The following WDFY3 variants were observed in gnomAD, a reference collection of about 807,000 sequenced individuals.
WDFY3 encodes WD repeat and FYVE domain-containing protein 3.
WDFY3 carries 66 observed loss-of-function variants against 409.6 expected under a neutral mutation model. The ratio of observed to expected loss-of-function variants is 0.16; its 90% CI spans 0.13 to 0.20. WDFY3 has a LOEUF of 0.20. Among genes scored for constraint, WDFY3 ranks in the 10% least tolerant of loss-of-function variants. The pLI is 1.00. For synonymous variants in WDFY3, 1,521 were observed against 1,537.1 expected, an observed-to-expected ratio of 0.99 and a Z score of 0.25; for missense variants, 3,031 against 4,298.1, an observed-to-expected ratio of 0.71 and a Z score of 8.24.
At chr4:84,947,729 A>C (rs949942132) in intron 1 of WDFY3, among the ~76,000 whole-genome samples, 2 of 148,834 alleles carry the variant, frequency 1.3e-5, no homozygotes, top group Admixed American at 1.3e-4. Context: ...AAAAAAAAAA[A>C]ACATTAGCCA....
chr4:84,794,661 T>G lies in WDFY3; in HGVS notation c.3345A>C (p.Pro1115=), dbSNP rs762189998. ...TAAGAAGTCTGACAGGGTGGTTATT[T>G]GGAGGAGAACTAAAATGTTCAATAC... ...WFCIEHFSSP[P]NNHPVRLLTV... The change falls in exon 21 of 68, where the codon CCA becomes CCC. Residue 1115 remains proline, a synonymous_variant. Coordinates refer to ENST00000295888, the MANE Select transcript of WDFY3 (RefSeq NM_014991.6). 11 of 1,614,014 alleles carry G rather than the reference T, an allele frequency of 6.8e-6. No homozygotes were observed. The highest frequency in any genetic ancestry group is 1.7e-5 in the Admixed American group (1 of 59,996).
chr4:84,774,370 C>T lies in WDFY3; in HGVS notation c.4754+450G>A, dbSNP rs189617751. Among the ~76,000 whole-genome samples the T allele has an allele frequency of 5.9e-4, 90 of 152,274 alleles. 1 individual carries two copies. The highest frequency in any genetic ancestry group is 1.9e-3 in the African/African-American group (78 of 41,554). On this transcript the variant is annotated intron_variant, in intron 29 of 67. Coordinates refer to ENST00000295888, the MANE Select transcript of WDFY3 (RefSeq NM_014991.6). ...TCTGCAAAATAATACTTATATCATACAAAAAGTGTGGATATGCAACAGATT... is the reference window on the plus strand; with the variant it reads ...TCTGCAAAATAATACTTATATCATATAAAAAGTGTGGATATGCAACAGATT...
At chr4:84,722,148 G>A (rs1368839944) in intron 46 of WDFY3, among the ~76,000 whole-genome samples, 1 of 152,148 alleles carries the variant, frequency 6.6e-6, no homozygotes, top group Admixed American at 6.5e-5. Flanking sequence ...AGCACTTTGG[G>A]AGGCCAAGGG....
intron 3 of WDFY3, among the ~76,000 whole-genome samples, chr4:84,888,310 C>T (rs933095952): frequency 3.3e-5 from 5 of 151,974 alleles, no homozygotes; most frequent in South Asian, 2.1e-4. Context: ...AAGGCCAAGG[C>T]GAGAGGACTG....
chr4:84,680,259 A>T (rs982938278), intron 64 of WDFY3, among the ~76,000 whole-genome samples: 2 of 151,994 alleles, frequency 1.3e-5, no homozygotes, highest in Non-Finnish European at 2.9e-5. Flanking sequence ...TGACTCAAAG[A>T]TTAGTGAATT....
At chr4:84,748,076 G>A (rs1578348315) in intron 36 of WDFY3, among the ~76,000 whole-genome samples, 1 of 152,038 alleles carries the variant, frequency 6.6e-6, no homozygotes, top group South Asian at 2.1e-4. Context: ...CTGTTCTCAT[G>A]CACTTTCTTC....
chr4:84,786,398 G>T (rs1207108666), intron 23 of WDFY3, among the ~76,000 whole-genome samples: 1 of 152,122 alleles, frequency 6.6e-6, no homozygotes, highest in Non-Finnish European at 1.5e-5. Flanking sequence ...CGTAAAGGAT[G>T]AAAAGTTTTA....
intron 5 of WDFY3, among the ~76,000 whole-genome samples, chr4:84,843,715 T>C (rs991221345): frequency 2.0e-5 from 3 of 152,232 alleles, no homozygotes; most frequent in African/African-American, 7.2e-5. Context: ...CCTCACGTTT[T>C]ATTTTAAATG....
intron 1 of WDFY3, among the ~76,000 whole-genome samples, chr4:84,942,720 A>G (rs1451561749): frequency 1.3e-5 from 2 of 152,188 alleles, no homozygotes; most frequent in African/African-American, 4.8e-5. Flanking sequence ...CCTCGGTAAA[A>G]TATCTGTTCA....
chr4:84,820,646 C>T (rs1002505539), intron 11 of WDFY3, among the ~76,000 whole-genome samples: 26 of 152,050 alleles, frequency 1.7e-4, no homozygotes, highest in Non-Finnish European at 2.9e-4. Context: ...AATGATAATA[C>T]ATTGTGTATA....
intron 13 of WDFY3, among the ~76,000 whole-genome samples, chr4:84,810,624 A>T: frequency 6.6e-6 from 1 of 152,252 alleles, no homozygotes; most frequent in South Asian, 2.1e-4. Flanking sequence ...TCTTTAACTG[A>T]TTATGACATC....
At chr4:84,925,589 T>TA (rs1769872137) in intron 2 of WDFY3, among the ~76,000 whole-genome samples, 1 of 152,200 alleles carries the variant, frequency 6.6e-6, no homozygotes, top group Non-Finnish European at 1.5e-5. Context: ...TATGTGGACC[T>TA]TAACTAGATT....
At chr4:84,948,238 T>C (rs1390731979) in intron 1 of WDFY3, among the ~76,000 whole-genome samples, 1 of 152,230 alleles carries the variant, frequency 6.6e-6, no homozygotes. Context: ...ATGCCTAACA[T>C]GCTTTTTCAT....
intron 51 of WDFY3, among the ~76,000 whole-genome samples, chr4:84,711,627 C>T (rs777300146): frequency 7.9e-5 from 12 of 152,086 alleles, no homozygotes; most frequent in East Asian, 5.8e-4. Flanking sequence ...CCGAGGAGGG[C>T]GGATCGCGAG....
At chr4:84,892,654 T>C (rs1045922502) in intron 3 of WDFY3, among the ~76,000 whole-genome samples, 1 of 152,208 alleles carries the variant, frequency 6.6e-6, no homozygotes, top group Non-Finnish European at 1.5e-5. Flanking sequence ...CTGAATAATT[T>C]ATTCAACAAA....
At chr4:84,706,504 T>C (rs1026863085) in intron 53 of WDFY3, among the ~76,000 whole-genome samples, 1 of 121,998 alleles carries the variant, frequency 8.2e-6, no homozygotes, top group Non-Finnish European at 1.7e-5. Flanking sequence ...GTCAAACAAA[T>C]AGCAGGACAA....
At chr4:84,705,138 C>T (rs1189441721) in intron 54 of WDFY3, among the ~76,000 whole-genome samples, 2 of 152,028 alleles carry the variant, frequency 1.3e-5, no homozygotes, top group African/African-American at 2.4e-5. Context: ...AATTTCTGCC[C>T]TATGCAAAGC....
At chr4:84,767,582 T>A (rs1743887419) in intron 30 of WDFY3, among the ~76,000 whole-genome samples, 1 of 151,570 alleles carries the variant, frequency 6.6e-6, no homozygotes, top group Non-Finnish European at 1.5e-5. Context: ...AAAAAATTCT[T>A]GAAGAAAACT....
At chr4:84,899,954 C>T (rs1203919169) in intron 2 of WDFY3, among the ~76,000 whole-genome samples, 1 of 152,096 alleles carries the variant, frequency 6.6e-6, no homozygotes, top group Non-Finnish European at 1.5e-5. Flanking sequence ...GAAGCTGAGA[C>T]AGGAGGACTG....
Sources: allele counts gnomAD v4.1 joint callset (sites outside exome capture counted in the v4.1 genomes callset), GRCh38; gene constraint gnomAD v4.1.1; transcripts MANE v1.5; gene names NCBI Gene and HGNC (gene_info 2026-07-23, HGNC 2026-07-21).